Variants in MATK observed in about 807,000 individuals in gnomAD.
MATK encodes the protein megakaryocyte-associated tyrosine-protein kinase.
Under a neutral mutation model 59.8 loss-of-function variants are expected in MATK, and 41 were observed. That is an observed-to-expected ratio of 0.69 (90% CI 0.53 to 0.89). The LOEUF is 0.89. MATK is among the 40% of genes least tolerant of loss of function. The probability of loss-of-function intolerance (pLI) is 0.00; values close to 1 mark genes in which losing one functional copy is unlikely to be tolerated. For synonymous variants in MATK, 308 were observed against 306.1 expected (o/e 1.01, Z -0.06); for missense variants, 593 against 719.6 (o/e 0.82, Z 2.01).
rs1240687729 is a variant in MATK, at chr19:3,779,037, G to A, written c.1152C>T (p.Ser384=). Residue 384 remains serine, a synonymous_variant, in exon 12 of 14, where the codon AGC becomes AGT. Coordinates refer to ENST00000310132, the MANE Select transcript of MATK (RefSeq NM_139355.3). The stretch of plus-strand genomic sequence containing the variant: ...GCGCCGTCCACTTGACGGGCAGCCG[G>A]CTTGAGTCTAGCCCCTTCCGCTCGG... ...AKAERKGLDS[S]RLPVKWTAPE... is the part of the protein sequence containing the mutation. The A allele has an allele frequency of 1.3e-6, 2 of 1,589,154 alleles. No individual in the cohort carries two copies. The highest frequency in any genetic ancestry group is 1.8e-5 in the Admixed American group (1 of 57,014).
intron 8 of MATK, 39 bp downstream of exon 8, chr19:3,781,568 C>T (rs11671881): frequency 5.3e-5 from 86 of 1,607,636 alleles, no homozygotes; most frequent in Admixed American, 1.8e-4. Flanking sequence ...ACGCACCTCC[C>T]ATCTTCCTTC....
chr19:3,788,425 C>T (rs2037510082), upstream of MATK, among the ~76,000 whole-genome samples: 1 of 151,608 alleles, frequency 6.6e-6, no homozygotes, highest in African/African-American at 2.4e-5. Context: ...AGTTCGAGAC[C>T]AGCCTGGCCA....
In MATK at chr19:3,780,653, C is replaced by T. The variant is rs181776942; in HGVS notation, c.743-856G>A. Among the ~76,000 whole-genome samples the T allele has an allele frequency of 8.8e-3, 1,315 of 148,954 alleles. 17 individuals carry two copies. Among genetic ancestry groups the T allele is most frequent in the African/African-American group, 0.031 (1,253 of 40,376 alleles). On this transcript the variant is annotated intron_variant, in intron 8 of 13. Transcript: ENST00000310132. ...TTCACCATGTTAGCCAGGATGGTCT[C>T]GATCTCATGACCTCGTGATCCGCCC...
rs1054682432 is a variant in MATK at position 3,779,887 on chromosome 19, G to C, written c.743-90C>G. ...GACGGACAGGCCCGCTCACACCGGTGCCCATGTAACATTCACACAGCTGCG... is the reference window on the plus strand; with the variant it reads ...GACGGACAGGCCCGCTCACACCGGTCCCCATGTAACATTCACACAGCTGCG... On this transcript the variant is annotated intron_variant, in intron 8 of 13. Coordinates refer to ENST00000310132, the MANE Select transcript of MATK (RefSeq NM_139355.3). 6.2e-6 allele frequency: 5 copies of C among 807,874 alleles called. No individual in the cohort carries two copies. In the African/African-American group the frequency reaches 8.4e-5, roughly 14 times the overall value. The allele number at this position is 807,874 out of a possible 1,614,324, so 50.0% of individuals were successfully genotyped here. A position where few individuals can be genotyped will look rare whatever the true frequency, so the allele number is the denominator to read the frequency against.
Position 3,784,875 on chromosome 19 carries a change from G to A in MATK, c.82C>T (p.Arg28Cys), listed in dbSNP as rs781388516. ...GGGGGGTGCCAGGCTCGGAGGAAGC[G>A]GGGGCTCACCTGGGGAGGGGACAGA... is the stretch of plus-strand genomic sequence containing the variant. The part of the protein sequence containing the change: ...SAEELPRVSP[R>C]FLRAWHPPPV... The change falls in exon 3 of 14, where the codon CGC becomes TGC. Residue 28 changes from arginine (R) to cysteine (C), a missense_variant. Arg to Cys is a radical substitution (Grantham distance 180, BLOSUM62 -3). Coordinates refer to ENST00000310132, the MANE Select transcript of MATK (RefSeq NM_139355.3). The A allele has an allele frequency of 2.6e-6, 4 of 1,540,724 alleles. No individual in the cohort carries two copies. The highest frequency in any genetic ancestry group is 2.4e-5 in the East Asian group (1 of 41,002).
intron 7 of MATK, 200 bp downstream of exon 7, chr19:3,782,926 G>A (rs996181922): frequency 1.4e-5 from 8 of 566,518 alleles, no homozygotes; most frequent in South Asian, 6.4e-5. Context: ...GATGAGTGGC[G>A]AAGCTGGGGA....
intron 1 of MATK, among the ~76,000 whole-genome samples, chr19:3,792,356 G>T (rs1303492031): frequency 6.6e-6 from 1 of 152,054 alleles, no homozygotes; most frequent in African/African-American, 2.4e-5. Context: ...TATCAGTCAG[G>T]GTTGGGATTG....
intron 6 of MATK, 192 bp from the exon 7 acceptor site, chr19:3,783,411 G>A: frequency 3.3e-6 from 2 of 611,230 alleles, no homozygotes; most frequent in South Asian, 1.9e-5. Flanking sequence ...AACTTGGGGG[G>A]TCCTGGGGGG....
intron 1 of MATK, among the ~76,000 whole-genome samples, chr19:3,799,474 A>C (rs2037624223): frequency 6.6e-6 from 1 of 152,198 alleles, no homozygotes; most frequent in African/African-American, 2.4e-5. Flanking sequence ...AAATAGGGAA[A>C]CCACATGAAT....
intron 3 of MATK, 53 bp from the exon 4 acceptor site, chr19:3,784,504 G>T: frequency 7.6e-7 from 1 of 1,309,082 alleles, no homozygotes; most frequent in South Asian, 1.3e-5. Context: ...GAGATGTGGG[G>T]AGCAGAGGCA....
rs568597001 is a variant in MATK at position 3,795,417 on chromosome 19, C to T, written c.-57-6013G>A. ...CCTCCCAAGTAGCTGGGATTACAGGCATGTGCCACCACACCCGGCTAATTT... is the reference window on the plus strand; with the variant it reads ...CCTCCCAAGTAGCTGGGATTACAGGTATGTGCCACCACACCCGGCTAATTT... On this transcript the variant is annotated intron_variant, in intron 1 of 13. Transcript: ENST00000395045. Among the ~76,000 whole-genome samples the T allele has an allele frequency of 2.1e-4, 32 of 152,018 alleles. 2 individuals carry two copies. The South Asian group carries it at 6.5e-3, about 31-fold the overall frequency.
chr19:3,781,780 T>C (rs1278270226), intron 7 of MATK, 108 bp from the exon 8 acceptor site: 12 of 869,342 alleles, frequency 1.4e-5, no homozygotes, highest in Non-Finnish European at 2.3e-5. Context: ...GCTGCAGCTG[T>C]GGATACACAT....
upstream of MATK, among the ~76,000 whole-genome samples, chr19:3,791,348 C>CA (rs1177667736): frequency 6.6e-6 from 1 of 151,622 alleles, no homozygotes; most frequent in Non-Finnish European, 1.5e-5. Flanking sequence ...CCACCTCCCC[C>CA]CACTTTTTTT....
Position 3,778,646 on chromosome 19 carries a change from C to T in MATK, c.1198-51G>A, listed in dbSNP as rs761897435. 8 of 1,552,602 alleles carry T rather than the reference C, an allele frequency of 5.2e-6. No homozygotes were observed. In the South Asian group the frequency reaches 5.9e-5, roughly 11 times the overall value. On this transcript the variant is annotated intron_variant, in intron 12 of 13. Transcript: ENST00000310132. ...GAGGGACCCCTCAGGTTTTCTGCTC[C>T]AGCCCCTGCTTCCTCCAGGAAGCCC...
At chr19:3,797,965 C>G (rs2037610809) in intron 1 of MATK, among the ~76,000 whole-genome samples, 2 of 152,188 alleles carry the variant, frequency 1.3e-5, no homozygotes, top group South Asian at 4.1e-4. Context: ...TCGCTTGAAC[C>G]TGGGAGGTGA....
chr19:3,799,149 G>T (rs115630299), intron 1 of MATK, among the ~76,000 whole-genome samples: 1 of 152,004 alleles, frequency 6.6e-6, no homozygotes, highest in Non-Finnish European at 1.5e-5. Context: ...CCTCCATGGC[G>T]CCTGGGTCCC....
At position 3,778,411 on chromosome 19, in the gene MATK, C is replaced by T. The variant is rs757602061; in HGVS notation, c.1296G>A (p.Glu432=). The change falls in exon 14 of 14, where the codon GAG becomes GAA. Residue 432 remains glutamate (E), a synonymous_variant. Transcript: ENST00000310132. ...ACCCCTTCTCCACGGCCTCCGACAC[C>T]TCTTTCAGTGACTGCGGACAGCAGG... ...RAPYPKMSLK[E]VSEAVEKGYR... is the part of the protein sequence containing the mutation. 5 of 1,613,136 alleles carry T rather than the reference C, an allele frequency of 3.1e-6. No homozygotes were observed. The highest frequency in any genetic ancestry group is 4.2e-6 in the Non-Finnish European group (5 of 1,179,886).
Position 3,778,195 on chromosome 19 carries a change from G to T in MATK, c.1512C>A (p.Ser504Arg). ...CCACCGGGTGGGGTCAGGGCTCCTG[G>T]CTTCGGGGCGAGGTGGAGCCGTCGG... is the stretch of plus-strand genomic sequence containing the variant. ...QDADGSTSPRSQEP is the reference protein window; with the variant it reads ...QDADGSTSPRRQEP The change falls in exon 14 of 14, where the codon AGC becomes AGA. Residue 504 changes from serine to arginine, a missense_variant. Coordinates refer to ENST00000310132, the MANE Select transcript of MATK (RefSeq NM_139355.3). 1 of 1,559,750 alleles carries T rather than the reference G, an allele frequency of 6.4e-7. No individual in the cohort carries two copies. Among genetic ancestry groups the T allele is most frequent in the Non-Finnish European group, 8.6e-7 (1 of 1,160,666 alleles).
rs982708499 is a variant in MATK, at chr19:3,786,122, C to A, written c.-152+47G>T. The A allele has an allele frequency of 2.3e-5, 20 of 866,070 alleles. No homozygotes were observed. The highest frequency in any genetic ancestry group is 2.5e-5 in the Non-Finnish European group (18 of 720,984). 53.6% of individuals were successfully genotyped at this position (866,070 alleles called of 1,614,324 possible). On this transcript the variant is annotated intron_variant, in intron 1 of 13. Transcript: ENST00000310132. This position sits in a 1 kb window ranked among gnomAD's most constrained non-coding sequence, Gnocchi z 4.1. ...GCCTAGAGCCCTCGGGGTTTCCCCCCACCCCGGCCTCGGGGTCTCTCCACG... is the reference window on the plus strand; with the variant it reads ...GCCTAGAGCCCTCGGGGTTTCCCCCAACCCCGGCCTCGGGGTCTCTCCACG...
Sources: gnomAD v4.1 joint callset for allele counts (sites outside exome capture counted in the v4.1 genomes callset) on GRCh38, gnomAD v4.1.1 for gene constraint, Gnocchi (gnomAD v3.1) non-coding constraint, MANE v1.5 for transcripts, NCBI Gene and HGNC (gene_info 2026-07-23, HGNC 2026-07-21) for gene names.